PID1: variants seen among roughly 807,000 people sequenced by gnomAD.
The protein encoded by PID1 is PTB-containing, cubilin and LRP1-interacting protein.
PID1 carries 10 observed loss-of-function variants against 19.1 expected under a neutral mutation model. The observed-to-expected ratio is 0.52, with a 90% CI of 0.32 to 0.89. The LOEUF (loss-of-function observed/expected upper bound fraction) is 0.89, where lower values mean the gene tolerates loss of function less well. PID1 is among the 40% of genes least tolerant of loss of function. PID1 has a pLI of 0.03. For synonymous variants in PID1, 130 were observed against 116.0 expected (o/e 1.12, Z -0.78); for missense variants, 248 against 285.3 (o/e 0.87, Z 0.94).
chr2:229,202,864 A>G (rs1019071851), intron 1 of PID1, among the ~76,000 whole-genome samples: 9 of 152,104 alleles, frequency 5.9e-5, no homozygotes, highest in African/African-American at 2.2e-4. Flanking sequence ...TATGGTTACC[A>G]TTAATGTCCT....
intron 1 of PID1, among the ~76,000 whole-genome samples, chr2:229,215,757 T>TA (rs1415432251): frequency 6.6e-6 from 1 of 152,228 alleles, no homozygotes; most frequent in Non-Finnish European, 1.5e-5. Context: ...AATGTTATGA[T>TA]AAAATCAGAA....
At chr2:229,146,662 TG>T (rs1690141778) in intron 2 of PID1, among the ~76,000 whole-genome samples, 1 of 152,024 alleles carries the variant, frequency 6.6e-6, no homozygotes, top group Non-Finnish European at 1.5e-5. Flanking sequence ...AACCTATAAA[TG>T]CTACCTTACA....
At chr2:229,265,432 T>C (rs1056935103) in intron 1 of PID1, among the ~76,000 whole-genome samples, 1 of 152,212 alleles carries the variant, frequency 6.6e-6, no homozygotes, top group Non-Finnish European at 1.5e-5. Context: ...GCCTCAAGGG[T>C]TGGACCTGGT....
At chr2:229,171,157 C>A (rs1690705489) in intron 1 of PID1, among the ~76,000 whole-genome samples, 1 of 152,222 alleles carries the variant, frequency 6.6e-6, no homozygotes, top group African/African-American at 2.4e-5. Context: ...TATGTCCATG[C>A]ACATTTGGTT....
chr2:229,119,142 A>C (rs1303917869), intron 2 of PID1, among the ~76,000 whole-genome samples: 2 of 152,224 alleles, frequency 1.3e-5, no homozygotes, highest in Admixed American at 1.3e-4. Context: ...TTTCTAAAGA[A>C]ATGAAACTAC....
At chr2:229,089,036 A>G (rs1177065670) in intron 2 of PID1, among the ~76,000 whole-genome samples, 1 of 152,164 alleles carries the variant, frequency 6.6e-6, no homozygotes, top group Non-Finnish European at 1.5e-5. Flanking sequence ...TTCTAACTTC[A>G]CATTGGCAAC....
intron 1 of PID1, among the ~76,000 whole-genome samples, chr2:229,238,898 C>T (rs1007263031): frequency 8.5e-5 from 13 of 152,162 alleles, no homozygotes; most frequent in Non-Finnish European, 1.8e-4. Flanking sequence ...AGTAACACAG[C>T]AATAGCATTA....
chr2:229,055,818 C>G (rs1004113989), intron 2 of PID1, among the ~76,000 whole-genome samples: 4 of 152,208 alleles, frequency 2.6e-5, no homozygotes, highest in African/African-American at 9.6e-5. Flanking sequence ...AATAAAATAA[C>G]TCATTTCTAG....
At chr2:229,240,324 G>C (rs1689839382) in intron 1 of PID1, among the ~76,000 whole-genome samples, 1 of 151,998 alleles carries the variant, frequency 6.6e-6, no homozygotes, top group Admixed American at 6.6e-5. Flanking sequence ...AAAAAAACTT[G>C]GATATCAGTG....
chr2:229,090,060 A>G (rs1694841544), intron 2 of PID1, among the ~76,000 whole-genome samples: 1 of 152,186 alleles, frequency 6.6e-6, no homozygotes, highest in Non-Finnish European at 1.5e-5. Flanking sequence ...ATCTGATCTC[A>G]ACTGTAATTA....
At chr2:229,132,981 AT>A (rs747885752) in intron 2 of PID1, among the ~76,000 whole-genome samples, 1 of 151,626 alleles carries the variant, frequency 6.6e-6, no homozygotes, top group Admixed American at 6.6e-5. Flanking sequence ...TTGTGCTTTA[AT>A]TTTTTTTTAA....
chr2:229,138,401 G>A (rs1048499026), intron 2 of PID1, among the ~76,000 whole-genome samples: 3 of 152,050 alleles, frequency 2.0e-5, no homozygotes, highest in Non-Finnish European at 2.9e-5. Flanking sequence ...TATAGGTACC[G>A]AGAACGTCTT....
At chr2:229,162,300 G>T (rs1467016686) in intron 1 of PID1, among the ~76,000 whole-genome samples, 3 of 152,196 alleles carry the variant, frequency 2.0e-5, no homozygotes, top group African/African-American at 7.2e-5. Flanking sequence ...ATCTCTGACA[G>T]TTTAGCAAGT....
At chr2:229,242,918 G>A (rs1040185400) in intron 1 of PID1, among the ~76,000 whole-genome samples, 1 of 152,098 alleles carries the variant, frequency 6.6e-6, no homozygotes, top group Non-Finnish European at 1.5e-5. Flanking sequence ...GGAACAGCCT[G>A]AGTTCACAGC....
chr2:229,253,705 T>C (rs1368040136), intron 1 of PID1, among the ~76,000 whole-genome samples: 1 of 152,054 alleles, frequency 6.6e-6, no homozygotes, highest in East Asian at 1.9e-4. Flanking sequence ...AGGTTTCTGG[T>C]ATTTTACAGA....
chr2:229,127,322 ATCCAAAACT>A (rs1299040055), intron 2 of PID1, among the ~76,000 whole-genome samples: 1 of 152,024 alleles, frequency 6.6e-6, no homozygotes, highest in Non-Finnish European at 1.5e-5. Context: ...TTTTTCAGGG[ATCCAAAACT>A]GGCCACACTG....
intron 2 of PID1, among the ~76,000 whole-genome samples, chr2:229,093,046 A>T (rs1323732938): frequency 6.6e-6 from 1 of 151,374 alleles, no homozygotes; most frequent in Non-Finnish European, 1.5e-5. Flanking sequence ...TCTCCTTCAC[A>T]GTTTGTGATG....
At position 229,237,759 on chromosome 2, in the gene PID1, C is replaced by T. The variant is rs116354888; in HGVS notation, c.30+33255G>A. Among the ~76,000 whole-genome samples, 1,016 of 152,136 alleles carry T rather than the reference C, an allele frequency of 6.7e-3. 7 individuals are homozygous for T. Among genetic ancestry groups the T allele is most frequent in the African/African-American group, 0.023 (953 of 41,516 alleles). On this transcript the variant is annotated intron_variant, in intron 1 of 2. Coordinates refer to ENST00000392055, the MANE Select transcript of PID1 (RefSeq NM_001100818.2). ...TTTACCCGCCCCATACACACAAGCA[C>T]GTATAAATACTTATTTGAATTCTGA...
At chr2:229,144,152 G>T (rs1690076644) in intron 2 of PID1, among the ~76,000 whole-genome samples, 1 of 152,142 alleles carries the variant, frequency 6.6e-6, no homozygotes, top group Admixed American at 6.6e-5. Flanking sequence ...GAAACTTTCA[G>T]ATATAAAAGG....
Sources: allele counts gnomAD v4.1 joint callset (sites outside exome capture counted in the v4.1 genomes callset), GRCh38; gene constraint gnomAD v4.1.1; transcripts MANE v1.5; gene names NCBI Gene and HGNC (gene_info 2026-07-23, HGNC 2026-07-21).